TRAPPC6B: variants seen among roughly 807,000 people sequenced by gnomAD.
The protein encoded by TRAPPC6B is trafficking protein particle complex subunit 6B.
In TRAPPC6B, 27 loss-of-function variants were observed where a neutral mutation model predicts 24.7. The ratio of observed to expected loss-of-function variants is 1.09; its 90% CI spans 0.81 to 1.51. The LOEUF (loss-of-function observed/expected upper bound fraction) is 1.51. Among genes scored for constraint, TRAPPC6B ranks in the 40% most tolerant of loss-of-function variants. The probability of loss-of-function intolerance (pLI) is 0.00; values close to 1 mark genes in which losing one functional copy is unlikely to be tolerated. For missense variants in TRAPPC6B, 212 were observed against 190.8 expected (o/e 1.11, Z -0.66); for synonymous variants, 80 against 66.6 (o/e 1.20, Z -0.98).
rs1490228199 is a variant in TRAPPC6B, at chr14:39,170,302, G to C, written c.-207C>G. On this transcript the variant is annotated 5_prime_UTR_variant, in exon 1 of 6. Coordinates refer to ENST00000330149, the MANE Select transcript of TRAPPC6B (RefSeq NM_001079537.2). ...GTACTGGAGAGAGCCCACACTTCGG[G>C]GCTACCAAATCCTAGGGCCGAACTA... 14 of 571,498 alleles carry C rather than the reference G, an allele frequency of 2.4e-5. No homozygotes were observed. Among genetic ancestry groups the C allele is most frequent in the Middle Eastern group, 4.5e-4 (1 of 2,212 alleles). 35.4% of individuals were successfully genotyped at this position (571,498 alleles called of 1,614,324 possible). A position where few individuals can be genotyped will look rare whatever the true frequency, so the allele number is the denominator to read the frequency against.
chr14:39,153,840 G>A (rs577783173), intron 4 of TRAPPC6B, among the ~76,000 whole-genome samples: 1 of 152,050 alleles, frequency 6.6e-6, no homozygotes, highest in Admixed American at 6.5e-5. Context: ...GAATAGCTGG[G>A]ATTGCAGGCG....
chr14:39,169,111 C>CA (rs2053138229), intron 1 of TRAPPC6B, among the ~76,000 whole-genome samples: 1 of 152,310 alleles, frequency 6.6e-6, no homozygotes, highest in African/African-American at 2.4e-5. Flanking sequence ...ACTCTCCACT[C>CA]ATTTTTTATC....
At chr14:39,151,278 T>C (rs1254680952) in intron 5 of TRAPPC6B, among the ~76,000 whole-genome samples, 1 of 150,446 alleles carries the variant, frequency 6.6e-6, no homozygotes, top group Non-Finnish European at 1.5e-5. Flanking sequence ...TAGTCCCAGC[T>C]ACTCGGGAGG....
intron 1 of TRAPPC6B, 41 bp downstream of exon 1, chr14:39,169,974 G>C (rs1177890825): frequency 1.3e-6 from 2 of 1,598,504 alleles, no homozygotes; most frequent in African/African-American, 2.7e-5. Context: ...AACAAGGTGT[G>C]TCACCGCAAA....
chr14:39,151,247 G>A (rs2052907969), intron 5 of TRAPPC6B, among the ~76,000 whole-genome samples: 1 of 151,896 alleles, frequency 6.6e-6, no homozygotes, highest in South Asian at 2.1e-4. Context: ...AAAATTAGCT[G>A]GGCGTGGTGG....
At chr14:39,169,966 C>A (rs1170114320) in intron 1 of TRAPPC6B, 49 bp downstream of exon 1, 1 of 1,586,850 alleles carries the variant, frequency 6.3e-7, no homozygotes. Context: ...TGAGGGGAAA[C>A]AAGGTGTGTC....
At chr14:39,154,023 C>T (rs1035346961) in intron 4 of TRAPPC6B, among the ~76,000 whole-genome samples, 188 bp downstream of exon 4, 1 of 152,130 alleles carries the variant, frequency 6.6e-6, no homozygotes, top group Non-Finnish European at 1.5e-5. Flanking sequence ...TTTAATTGGT[C>T]ACTCTATGAC....
At position 39,170,018 on chromosome 14, in the gene TRAPPC6B, C is replaced by T. The variant is rs773630659; in HGVS notation, c.78G>A (p.Glu26=). 6.2e-7 allele frequency: 1 copy of T among 1,614,130 alleles called. No homozygotes were observed. The highest frequency in any genetic ancestry group is 2.2e-5 in the East Asian group (1 of 44,874). The change falls in exon 1 of 6, where the codon GAG becomes GAA. Residue 26 remains glutamate (E), a synonymous_variant. Coordinates refer to ENST00000330149, the MANE Select transcript of TRAPPC6B (RefSeq NM_001079537.2). ...AAGGTTGTGTGGCAGCACTCACCAC[C>T]TCCCCCTGCTCCGCGGACTTGTACA... is the stretch of plus-strand genomic sequence containing the variant. ...SGVYKSAEQG[E]VENGRCITKL... is the part of the protein sequence containing the mutation.
At chr14:39,160,216 C>G (rs960432059) in intron 1 of TRAPPC6B, among the ~76,000 whole-genome samples, 2 of 152,138 alleles carry the variant, frequency 1.3e-5, no homozygotes, top group African/African-American at 2.4e-5. Context: ...TAACCCAACA[C>G]CATCTTAACT....
intron 4 of TRAPPC6B, among the ~76,000 whole-genome samples, chr14:39,153,703 CTTTTTTTTT>C (rs753192860): frequency 1.5e-5 from 2 of 129,108 alleles, no homozygotes; most frequent in Non-Finnish European, 3.3e-5. Flanking sequence ...TCTTTTTTTT[CTTTTTTTTT>C]TTTTTTGAGA....
intron 1 of TRAPPC6B, among the ~76,000 whole-genome samples, chr14:39,165,528 C>T (rs1291737375): frequency 6.6e-6 from 1 of 152,164 alleles, no homozygotes; most frequent in Non-Finnish European, 1.5e-5. Flanking sequence ...AGGCGCAGTG[C>T]TCATGCCTAT....
intron 5 of TRAPPC6B, among the ~76,000 whole-genome samples, 189 bp from the exon 6 acceptor site, chr14:39,150,570 G>A (rs1230145170): frequency 6.6e-6 from 1 of 151,716 alleles, no homozygotes; most frequent in East Asian, 1.9e-4. Context: ...ATGGAGTCTT[G>A]CTCTGTTGCC....
rs1192020424 is a variant in TRAPPC6B at position 39,150,311 on chromosome 14, A to C, written c.*39T>G. ...TGAAATACTTTTACATGAATAATTT[A>C]TCTCTTTACACTGTTGAAGCCTTGC... is the stretch of plus-strand genomic sequence containing the variant. On this transcript the variant is annotated 3_prime_UTR_variant, in exon 6 of 6. Coordinates refer to ENST00000330149, the MANE Select transcript of TRAPPC6B (RefSeq NM_001079537.2). The C allele has an allele frequency of 2.0e-6, 3 of 1,537,386 alleles. No homozygotes were observed. The highest frequency in any genetic ancestry group is 1.2e-5 in the South Asian group (1 of 83,242).
chr14:39,152,947 T>C (rs1425276707), intron 4 of TRAPPC6B, among the ~76,000 whole-genome samples: 1 of 151,738 alleles, frequency 6.6e-6, no homozygotes, highest in Non-Finnish European at 1.5e-5. Flanking sequence ...TCCCAGCATT[T>C]TGGGTGGCTT....
intron 1 of TRAPPC6B, among the ~76,000 whole-genome samples, chr14:39,165,136 C>T (rs1057467152): frequency 5.9e-5 from 9 of 151,646 alleles, no homozygotes; most frequent in Non-Finnish European, 1.3e-4. Flanking sequence ...AGCTCTGCCT[C>T]CCAGGTTCAC....
At chr14:39,158,630 T>C in intron 2 of TRAPPC6B, 1 of 403,854 alleles carries the variant, frequency 2.5e-6, no homozygotes, top group Non-Finnish European at 4.4e-6. Context: ...CAAGCTATCC[T>C]CCCACCTCAG....
intron 3 of TRAPPC6B, 21 bp downstream of exon 3, chr14:39,158,264 G>A: frequency 7.9e-7 from 1 of 1,267,044 alleles, no homozygotes; most frequent in Non-Finnish European, 1.1e-6. Flanking sequence ...TTAAAATATA[G>A]GCCTTAATTA....
chr14:39,158,457 G>C, intron 2 of TRAPPC6B, 55 bp from the exon 3 acceptor site: 4 of 1,003,664 alleles, frequency 4.0e-6, no homozygotes, highest in Non-Finnish European at 6.0e-6. Flanking sequence ...AAAGCAAGAG[G>C]GACTAATTAT....
chr14:39,162,203 C>T (rs1028233927), intron 1 of TRAPPC6B, among the ~76,000 whole-genome samples: 4 of 152,208 alleles, frequency 2.6e-5, no homozygotes, highest in African/African-American at 9.6e-5. Context: ...CTCTGTCGCC[C>T]AGGCTGCAGT....
Sources: allele counts gnomAD v4.1 joint callset (sites outside exome capture counted in the v4.1 genomes callset), GRCh38; gene constraint gnomAD v4.1.1; transcripts MANE v1.5; gene names NCBI Gene and HGNC (gene_info 2026-07-23, HGNC 2026-07-21).